SOX5: variants seen among roughly 807,000 people sequenced by gnomAD.
SOX5 encodes the protein SRY-box transcription factor 5.
In SOX5, 9 loss-of-function variants were observed where a neutral mutation model predicts 92.0. The observed-to-expected ratio is 0.10, with a 90% CI of 0.06 to 0.17. The LOEUF (loss-of-function observed/expected upper bound fraction) is 0.17. SOX5 is among the 10% of genes least tolerant of loss of function. The pLI, the probability that SOX5 is intolerant of heterozygous loss-of-function variation, is 1.00. For synonymous variants in SOX5, 344 were observed against 336.3 expected, an observed-to-expected ratio of 1.02 and a Z score of -0.25; for missense variants, 642 against 944.5, an observed-to-expected ratio of 0.68 and a Z score of 4.20.
intron 4 of SOX5, among the ~76,000 whole-genome samples, chr12:24,156,590 T>G (rs1952195742): frequency 6.6e-6 from 1 of 152,170 alleles, no homozygotes; most frequent in East Asian, 1.9e-4. Context: ...TTAAAACAGC[T>G]GTACCCAGCA....
intron 6 of SOX5, among the ~76,000 whole-genome samples, chr12:23,716,442 C>G (rs1483805178): frequency 6.6e-6 from 1 of 152,158 alleles, no homozygotes; most frequent in African/African-American, 2.4e-5. Context: ...CAAGCAAACT[C>G]TTTTAGACAC....
intron 2 of SOX5, among the ~76,000 whole-genome samples, chr12:24,313,623 G>A (rs1230368387): frequency 1.3e-5 from 2 of 152,184 alleles, no homozygotes; most frequent in South Asian, 2.1e-4. Flanking sequence ...GATCACTCGT[G>A]CTCCTTGTTT....
chr12:24,247,529 C>T (rs1939072998), intron 3 of SOX5, among the ~76,000 whole-genome samples: 1 of 151,890 alleles, frequency 6.6e-6, no homozygotes, highest in Non-Finnish European at 1.5e-5. Flanking sequence ...TGGTAAAGAA[C>T]AGAGCCTGGT....
chr12:24,052,569 T>C (rs1957666330), intron 4 of SOX5, among the ~76,000 whole-genome samples: 1 of 152,186 alleles, frequency 6.6e-6, no homozygotes, highest in South Asian at 2.1e-4. Flanking sequence ...TTTAACCCTT[T>C]CACAACCTAA....
At chr12:24,317,967 T>A (rs1258569169) in intron 2 of SOX5, among the ~76,000 whole-genome samples, 1 of 152,180 alleles carries the variant, frequency 6.6e-6, no homozygotes, top group Admixed American at 6.5e-5. Flanking sequence ...TCCCGGCACT[T>A]TGGGAGGCTG....
In SOX5 at chr12:23,532,701, T is replaced by C. The variant is rs1939350204; in HGVS notation, c.*1518A>G. ...GCAATGACTTTTAATTAAATCCTAC[T>C]TTTTATGGCATGAACTACATATGGC... is the stretch of plus-strand genomic sequence containing the variant. On this transcript the variant is annotated 3_prime_UTR_variant, in exon 15 of 15. Coordinates refer to ENST00000451604, the MANE Select transcript of SOX5 (RefSeq NM_006940.6). The C allele has an allele frequency of 6.6e-6, 1 of 152,362 alleles. No individual in the cohort carries two copies. The highest frequency in any genetic ancestry group is 1.5e-5 in the Non-Finnish European group (1 of 68,176). The allele number at this position is 152,362 out of a possible 1,614,324, so 9.4% of individuals were successfully genotyped here.
chr12:24,540,696 T>C (rs1952042199), intron 1 of SOX5, among the ~76,000 whole-genome samples: 1 of 152,176 alleles, frequency 6.6e-6, no homozygotes, highest in South Asian at 2.1e-4. Flanking sequence ...AGGAAGTTTT[T>C]CCAAAATGTT....
intron 4 of SOX5, among the ~76,000 whole-genome samples, chr12:24,147,803 C>T (rs1288894686): frequency 6.6e-6 from 1 of 151,948 alleles, no homozygotes; most frequent in African/African-American, 2.4e-5. Flanking sequence ...AATACATTTA[C>T]AATAGTATCA....
intron 6 of SOX5, among the ~76,000 whole-genome samples, chr12:23,731,855 T>G (rs2093405772): frequency 6.6e-6 from 1 of 152,226 alleles, no homozygotes; most frequent in Admixed American, 6.5e-5. Flanking sequence ...ATATACGCGT[T>G]GTTTTCTAAG....
intron 2 of SOX5, among the ~76,000 whole-genome samples, chr12:23,872,164 ATTTTTTTTTT>A (rs71059938): frequency 4.5e-4 from 28 of 61,650 alleles, no homozygotes; most frequent in African/African-American, 1.4e-3. Context: ...CGCCCGGCTA[ATTTTTTTTTT>A]TTTTTTTTTT....
intron 1 of SOX5, among the ~76,000 whole-genome samples, chr12:24,382,642 A>C (rs1269275653): frequency 2.0e-5 from 3 of 152,196 alleles, no homozygotes; most frequent in Non-Finnish European, 4.4e-5. Context: ...AAAAGGAGCC[A>C]GTAGAGGAGA....
intron 2 of SOX5, among the ~76,000 whole-genome samples, chr12:23,867,488 C>G (rs1222848482): frequency 1.3e-5 from 2 of 151,998 alleles, no homozygotes; most frequent in African/African-American, 4.8e-5. Flanking sequence ...AGACCTAATG[C>G]CAAGTTTAAA....
At chr12:23,838,808 T>C (rs1181505182) in intron 3 of SOX5, among the ~76,000 whole-genome samples, 1 of 144,924 alleles carries the variant, frequency 6.9e-6, no homozygotes, top group Non-Finnish European at 1.5e-5. Flanking sequence ...TTACTAGATA[T>C]TACCCTTTTC....
In SOX5 at chr12:23,725,184, T is replaced by C. The variant is rs189889540; in HGVS notation, c.810+9500A>G. Among the ~76,000 whole-genome samples, 279 of 152,308 alleles carry C rather than the reference T, an allele frequency of 1.8e-3. 3 individuals carry two copies. The highest frequency in any genetic ancestry group is 0.014 in the Middle Eastern group (4 of 294). On this transcript the variant is annotated intron_variant, in intron 6 of 14. Transcript: ENST00000451604. ...ATAATTAAAGGATATGTTTTTAAAATGTGAACTTTGAAGTGCCTGTTAGGT... is the reference window on the plus strand; with the variant it reads ...ATAATTAAAGGATATGTTTTTAAAACGTGAACTTTGAAGTGCCTGTTAGGT...
At chr12:23,542,581 A>G (rs538414634) in intron 13 of SOX5, among the ~76,000 whole-genome samples, 24 of 152,254 alleles carry the variant, frequency 1.6e-4, no homozygotes, top group African/African-American at 5.5e-4. Context: ...TTTCTGTTCA[A>G]TTGAATGTTG....
At chr12:24,311,542 T>A (rs561273812) in intron 2 of SOX5, among the ~76,000 whole-genome samples, 8 of 152,302 alleles carry the variant, frequency 5.3e-5, no homozygotes, top group African/African-American at 1.9e-4. Context: ...CACAAATTAA[T>A]TTCCAGTTTT....
rs1177945407 is a variant in SOX5, at chr12:23,979,707, GTT to G, written c.-1-83685_-1-83684del. 1.7e-3 allele frequency among the ~76,000 whole-genome samples: 129 copies of G among 77,498 alleles called. 1 individual carries two copies. The highest frequency in any genetic ancestry group is 6.8e-3 in the African/African-American group (123 of 18,102). The allele number at this position is 77,498 out of a possible 152,430, so 50.8% of individuals were successfully genotyped here. A position where few individuals can be genotyped will look rare whatever the true frequency, so the allele number is the denominator to read the frequency against. ...CCATATATATATATATGTTTTTTTT[GTT>G]TTTTTTTTTTTTTTTTTTTTTTTTT... On this transcript the variant is annotated intron_variant, in intron 4 of 4. Coordinates refer to the SOX5 transcript ENST00000446891.
intron 4 of SOX5, among the ~76,000 whole-genome samples, chr12:24,022,051 A>G (rs2136694194): frequency 6.6e-6 from 1 of 152,258 alleles, no homozygotes; most frequent in African/African-American, 2.4e-5. Flanking sequence ...TAGGCACTGG[A>G]GATAAAATGC....
chr12:23,707,863 G>C (rs1253394937), intron 6 of SOX5, among the ~76,000 whole-genome samples: 2 of 151,964 alleles, frequency 1.3e-5, no homozygotes, highest in Non-Finnish European at 2.9e-5. Flanking sequence ...CTCCTGATTT[G>C]ATTAAAACAT....
Sources: gnomAD v4.1 joint callset for allele counts (sites outside exome capture counted in the v4.1 genomes callset) on GRCh38, gnomAD v4.1.1 for gene constraint, MANE v1.5 for transcripts, NCBI Gene and HGNC (gene_info 2026-07-23, HGNC 2026-07-21) for gene names.